Variants in AK9 observed in about 807,000 individuals in gnomAD.
The protein encoded by AK9 is adenylate kinase 9.
Under a neutral mutation model 239.6 loss-of-function variants are expected in AK9, and 191 were observed. The observed-to-expected ratio is 0.80, with a 90% CI of 0.71 to 0.90. AK9 has a LOEUF of 0.90. Ranked by LOEUF, AK9 falls within the 40% of genes least tolerant of loss-of-function variation. The probability of loss-of-function intolerance (pLI) is 0.00; values close to 1 mark genes in which losing one functional copy is unlikely to be tolerated. For synonymous variants in AK9, 689 were observed against 721.0 expected (o/e 0.96, Z 0.71); for missense variants, 1,995 against 2,214.7 (o/e 0.90, Z 1.99).
At chr6:109,531,235 G>T (rs897969879) in intron 28 of AK9, among the ~76,000 whole-genome samples, 4 of 152,126 alleles carry the variant, frequency 2.6e-5, no homozygotes, top group Non-Finnish European at 5.9e-5. Flanking sequence ...AAATTCGTGT[G>T]GAGGTAGTCA....
intron 6 of AK9, among the ~76,000 whole-genome samples, chr6:109,661,507 A>G (rs1016725710): frequency 6.6e-6 from 1 of 152,208 alleles, no homozygotes; most frequent in Admixed American, 6.5e-5. Context: ...TTTCTATTGA[A>G]TCTGTCTTTT....
At chr6:109,513,738 C>G (rs1439823744) in intron 32 of AK9, among the ~76,000 whole-genome samples, 1 of 152,194 alleles carries the variant, frequency 6.6e-6, no homozygotes, top group African/African-American at 2.4e-5. Context: ...GCAGTAGTTA[C>G]TGACCACTGG....
At chr6:109,659,482 G>A in intron 6 of AK9, 69 bp from the exon 7 acceptor site, 1 of 1,534,258 alleles carries the variant, frequency 6.5e-7, no homozygotes, top group South Asian at 1.2e-5. Flanking sequence ...TGTATTTATT[G>A]AATATATTGT....
Position 109,553,714 on chromosome 6 carries a change from C to T in AK9, c.2752-3412G>A, listed in dbSNP as rs952263883. 2.6e-5 allele frequency among the ~76,000 whole-genome samples: 4 copies of T among 152,238 alleles called. 1 individual carries two copies. The South Asian group carries it at 8.3e-4, about 32-fold the overall frequency. On this transcript the variant is annotated intron_variant, in intron 24 of 40. Transcript: ENST00000424296. The stretch of plus-strand genomic sequence containing the variant: ...TTATTTCTTTATCTTGCCTGATTGT[C>T]CTGGCCAGAACGTCCAATACTATGT...
chr6:109,619,146 C>G lies in AK9; in HGVS notation c.1345G>C (p.Ala449Pro). 1.3e-6 allele frequency: 2 copies of G among 1,549,114 alleles called. No individual in the cohort carries two copies. The highest frequency in any genetic ancestry group is 1.7e-6 in the Non-Finnish European group (2 of 1,145,874). Residue 449 changes from alanine (A) to proline (P), a missense_variant, in exon 13 of 41, where the codon GCA becomes CCA. By Grantham distance (27) the Ala-to-Pro change is conservative. Coordinates refer to ENST00000424296, the MANE Select transcript of AK9 (RefSeq NM_001145128.3). The part of the protein sequence containing the change: ...ENTIAEATAA[A>P]IKVVKEKLLR... Reference sequence around the variant, plus strand: ...AGCTTTTCTTTCACAACTTTAATTGCTGCTGCAGTGGCCTCAGCTATGGTA... The same window carrying G: ...AGCTTTTCTTTCACAACTTTAATTGGTGCTGCAGTGGCCTCAGCTATGGTA...
chr6:109,522,738 T>A (rs185341787), intron 29 of AK9, among the ~76,000 whole-genome samples: 1 of 152,274 alleles, frequency 6.6e-6, no homozygotes, highest in Non-Finnish European at 1.5e-5. Context: ...TGTTGGTGAT[T>A]TTCCTCAAGT....
intron 8 of AK9, among the ~76,000 whole-genome samples, chr6:109,654,413 C>T (rs113351137): frequency 6.6e-6 from 1 of 152,092 alleles, no homozygotes; most frequent in African/African-American, 2.4e-5. Context: ...CTCACCGCAA[C>T]CTCTGTCTCC....
intron 24 of AK9, among the ~76,000 whole-genome samples, chr6:109,562,534 C>A (rs1785913035): frequency 6.6e-6 from 1 of 152,186 alleles, no homozygotes; most frequent in Non-Finnish European, 1.5e-5. Flanking sequence ...GTCACACAAT[C>A]CTTCAGTGAC....
intron 10 of AK9, among the ~76,000 whole-genome samples, chr6:109,639,759 T>C (rs1797167332): frequency 6.6e-6 from 1 of 152,228 alleles, no homozygotes; most frequent in African/African-American, 2.4e-5. Context: ...CTAGGTTTGC[T>C]TCTAGGGTTT....
chr6:109,531,376 C>A (rs1781231486), intron 28 of AK9, among the ~76,000 whole-genome samples: 1 of 151,742 alleles, frequency 6.6e-6, no homozygotes, highest in Non-Finnish European at 1.5e-5. Context: ...GGGGCAAATG[C>A]CTGGGGTGAT....
intron 12 of AK9, chr6:109,632,096 G>A (rs57181024): frequency 0.013 from 11,667 of 927,162 alleles, 204 homozygotes; most frequent in East Asian, 0.12. Context: ...GATTTGACCT[G>A]GTTGGTGGTT....
intron 20 of AK9, among the ~76,000 whole-genome samples, chr6:109,576,199 C>T (rs976662247): frequency 3.3e-5 from 5 of 151,800 alleles, no homozygotes; most frequent in African/African-American, 1.2e-4. Flanking sequence ...TTTTCTAGTT[C>T]TGTGAAGAAT....
At chr6:109,596,637 G>C (rs1791069867) in intron 17 of AK9, among the ~76,000 whole-genome samples, 1 of 152,228 alleles carries the variant, frequency 6.6e-6, no homozygotes. Flanking sequence ...GGCATGAAGT[G>C]AAGAGAGTGC....
chr6:109,642,591 C>T (rs996642667), intron 9 of AK9, among the ~76,000 whole-genome samples: 1 of 152,082 alleles, frequency 6.6e-6, no homozygotes, highest in Non-Finnish European at 1.5e-5. Flanking sequence ...AGCTTCTGCC[C>T]TCTACCTTGA....
rs988552745 is a variant in AK9, at chr6:109,543,361, A to G, written c.3226-1190T>C. Among the ~76,000 whole-genome samples, 13 of 152,332 alleles carry G rather than the reference A, an allele frequency of 8.5e-5. 1 individual carries two copies. Among genetic ancestry groups the G allele is most frequent in the Non-Finnish European group, 1.8e-4 (12 of 68,034 alleles). Reference sequence around the variant, plus strand: ...CAAGTTATTCAGAAAACAATAAAAGAAAACCAAACAAAAAACTGTAGACAA... The same window carrying G: ...CAAGTTATTCAGAAAACAATAAAAGGAAACCAAACAAAAAACTGTAGACAA... On this transcript the variant is annotated intron_variant, in intron 26 of 40. Transcript: ENST00000424296.
At chr6:109,521,660 C>T (rs9320291) in intron 29 of AK9, among the ~76,000 whole-genome samples, 3,048 of 152,124 alleles carry the variant, frequency 0.02, 114 homozygotes, top group African/African-American at 0.069. Context: ...ATAAACAGCA[C>T]CTGCTATGTT....
At position 109,675,650 on chromosome 6, in the gene AK9, G is replaced by C. The variant is rs1771603261; in HGVS notation, c.96C>G (p.Cys32Trp). The change falls in exon 2 of 41, where the codon TGC (cysteine) becomes TGG (tryptophan). Residue 32 changes from cysteine (C) to tryptophan (W), a missense_variant. This residue lies in a region of AK9 where 252 missense variants were observed against 246.4 expected (regional missense o/e 1.02). Transcript: ENST00000424296. The part of the protein sequence containing the change: ...ERNFLLSKPV[C>W]FVVFGKPGVG... The stretch of plus-strand genomic sequence containing the variant: ...TTACTGGTTTCCCAAATACAACAAA[G>C]CAAACAGGTTTGGACAACAAAAAAT... 1 of 1,567,290 alleles carries C rather than the reference G, an allele frequency of 6.4e-7. No homozygotes were observed. Among genetic ancestry groups the C allele is most frequent in the East Asian group, 2.4e-5 (1 of 42,524 alleles).
chr6:109,630,739 G>T (rs1796015511), intron 12 of AK9, among the ~76,000 whole-genome samples: 1 of 152,122 alleles, frequency 6.6e-6, no homozygotes, highest in Non-Finnish European at 1.5e-5. Context: ...CAGCTACTCA[G>T]GAGGCTGGGG....
chr6:109,578,339 G>C (rs1399464404), intron 20 of AK9, among the ~76,000 whole-genome samples: 1 of 152,134 alleles, frequency 6.6e-6, no homozygotes, highest in Admixed American at 6.5e-5. Flanking sequence ...AAAGTGCTGG[G>C]ATTACAGGCA....
Sources: gnomAD v4.1 joint callset for allele counts (sites outside exome capture counted in the v4.1 genomes callset) on GRCh38, gnomAD v4.1.1 for gene constraint, gnomAD v4.1.1 regional missense constraint, MANE v1.5 for transcripts, NCBI Gene and HGNC (gene_info 2026-07-23, HGNC 2026-07-21) for gene names.